The following CPED1 variants were observed in gnomAD, a reference collection of about 807,000 sequenced individuals.
The protein encoded by CPED1 is cadherin-like and PC-esterase domain-containing protein 1.
CPED1 carries 114 observed loss-of-function variants against 128.2 expected under a neutral mutation model. The ratio of observed to expected loss-of-function variants is 0.89; its 90% CI spans 0.76 to 1.04. The LOEUF (loss-of-function observed/expected upper bound fraction) is 1.04. Among genes scored for constraint, CPED1 ranks in the 50% least tolerant of loss-of-function variants. The pLI, the probability that CPED1 is intolerant of heterozygous loss-of-function variation, is 0.00. For synonymous variants in CPED1, 462 were observed against 426.7 expected, an observed-to-expected ratio of 1.08 and a Z score of -1.02; for missense variants, 1,211 against 1,207.1, an observed-to-expected ratio of 1.00 and a Z score of -0.05.
chr7:121,127,136 A>T lies in CPED1; in HGVS notation c.1181A>T (p.Glu394Val), dbSNP rs1795523810. ...CAAGATTATGATAATATGGATTTTG[A>T]GGACCAAAATACAGAAGAATTCCTT... Reference protein sequence around the residue: ...NFQDYDNMDFEDQNTEEFLLN... With the variant: ...NFQDYDNMDFVDQNTEEFLLN... Residue 394 changes from glutamate to valine, a missense_variant, in exon 10 of 23, where the codon GAG becomes GTG. Physicochemically the swap from Glu to Val is moderately radical, Grantham distance 121. Coordinates refer to ENST00000310396, the MANE Select transcript of CPED1 (RefSeq NM_024913.5). 6.2e-7 allele frequency: 1 copy of T among 1,600,524 alleles called. No individual in the cohort carries two copies. The highest frequency in any genetic ancestry group is 8.5e-7 in the Non-Finnish European group (1 of 1,171,258).
chr7:120,993,953 G>A (rs1187503432), intron 2 of CPED1: 3 of 329,618 alleles, frequency 9.1e-6, no homozygotes, highest in African/African-American at 4.4e-5. Flanking sequence ...GCCCCTGGGT[G>A]GGGGTCGTCC....
chr7:121,027,725 G>A (rs1792626578), intron 3 of CPED1, among the ~76,000 whole-genome samples: 1 of 144,316 alleles, frequency 6.9e-6, no homozygotes, highest in Non-Finnish European at 1.5e-5. Flanking sequence ...CCACCAACAA[G>A]TTAATTATAA....
intron 4 of CPED1, chr7:121,050,840 C>G: frequency 2.1e-6 from 1 of 466,292 alleles, no homozygotes; most frequent in Non-Finnish European, 4.3e-6. Flanking sequence ...CCAGGCAGCC[C>G]AGCTTCGCGA....
In CPED1 at chr7:121,142,030, T is replaced by A. The variant is rs1479820754; in HGVS notation, c.1944T>A (p.Asp648Glu). 1.2e-6 allele frequency: 2 copies of A among 1,612,792 alleles called. No homozygotes were observed. Among genetic ancestry groups the A allele is most frequent in the Admixed American group, 3.3e-5 (2 of 59,882 alleles). ...GMNKISIFVVDESPAHGETLI... is the reference protein window; with the variant it reads ...GMNKISIFVVEESPAHGETLI... ...ACAAAATCTCAATATTTGTTGTGGA[T>A]GAATCTCCAGCACACGGTGAGACTC... The change falls in exon 16 of 23, where the codon GAT becomes GAA. Residue 648 changes from aspartate (D) to glutamate (E), a missense_variant. By Grantham distance (45) the Asp-to-Glu change is conservative (BLOSUM62 2). Coordinates refer to ENST00000310396, the MANE Select transcript of CPED1 (RefSeq NM_024913.5).
At chr7:121,183,486 A>G (rs140885605) in intron 16 of CPED1, among the ~76,000 whole-genome samples, 1 of 152,274 alleles carries the variant, frequency 6.6e-6, no homozygotes, top group Non-Finnish European at 1.5e-5. Context: ...TCCACAGAGT[A>G]TTTTAGATGA....
intron 18 of CPED1, among the ~76,000 whole-genome samples, chr7:121,249,570 C>A (rs539852757): frequency 2.6e-5 from 4 of 152,190 alleles, no homozygotes; most frequent in African/African-American, 9.6e-5. Context: ...TTATATCCCA[C>A]TAAAATAAAC....
intron 22 of CPED1, among the ~76,000 whole-genome samples, chr7:121,295,140 A>AAC (rs35927183): frequency 0.073 from 10,587 of 145,806 alleles, 391 homozygotes; most frequent in Non-Finnish European, 0.094. Context: ...CTGGCCTGAA[A>AAC]ACACACACAC....
intron 7 of CPED1, among the ~76,000 whole-genome samples, chr7:121,108,009 A>T (rs1337054850): frequency 1.3e-5 from 2 of 152,106 alleles, no homozygotes; most frequent in East Asian, 1.9e-4. Context: ...CCTTCCATAT[A>T]TTAAAATGTG....
At chr7:121,184,382 A>G (rs935606911) in intron 16 of CPED1, among the ~76,000 whole-genome samples, 1 of 152,210 alleles carries the variant, frequency 6.6e-6, no homozygotes, top group African/African-American at 2.4e-5. Flanking sequence ...GTTTCATTTC[A>G]GATAAATGAG....
chr7:121,120,820 C>T (rs921041907), intron 7 of CPED1, among the ~76,000 whole-genome samples: 7 of 151,686 alleles, frequency 4.6e-5, no homozygotes, highest in African/African-American at 1.7e-4. Flanking sequence ...GTGATGTTAC[C>T]CAGAAACTAC....
At chr7:120,994,269 T>A (rs1329777752) in intron 2 of CPED1, among the ~76,000 whole-genome samples, 1 of 152,220 alleles carries the variant, frequency 6.6e-6, no homozygotes, top group African/African-American at 2.4e-5. Context: ...TCCTTCTCTT[T>A]AACTAAAAAA....
intron 5 of CPED1, among the ~76,000 whole-genome samples, chr7:121,081,499 A>T (rs1320398865): frequency 6.6e-6 from 1 of 152,122 alleles, no homozygotes. Context: ...TTTTCTTTCC[A>T]CTTCTCCTAG....
At chr7:121,103,502 T>G (rs1271631672) in intron 7 of CPED1, among the ~76,000 whole-genome samples, 1 of 152,194 alleles carries the variant, frequency 6.6e-6, no homozygotes, top group African/African-American at 2.4e-5. Context: ...GTTAAATTAC[T>G]TAACCATCCT....
In CPED1 at chr7:121,282,101, T is replaced by C. The variant is rs946040832; in HGVS notation, c.2868+10671T>C. On this transcript the variant is annotated intron_variant, in intron 22 of 22. Coordinates refer to ENST00000310396, the MANE Select transcript of CPED1 (RefSeq NM_024913.5). ...ATGTAGTAGCTCCTTTCCTCTTAGA[T>C]ATACCTGTCTCTTTTTCAGTGGTCA... Among the ~76,000 whole-genome samples, 11 of 152,190 alleles carry C rather than the reference T, an allele frequency of 7.2e-5. No individual in the cohort carries two copies. In the East Asian group the frequency reaches 9.6e-4, roughly 13 times the overall value.
In CPED1 at chr7:121,145,960, G is replaced by T. The variant is rs148077306; in HGVS notation, c.2055+3819G>T. ...AAACTTTTATTATATTTTATTTATA[G>T]GTCAAAGGGAAAAATTATAATTTCT... On this transcript the variant is annotated intron_variant, in intron 16 of 22. Coordinates refer to ENST00000310396, the MANE Select transcript of CPED1 (RefSeq NM_024913.5). Among the ~76,000 whole-genome samples, 82 of 151,990 alleles carry T rather than the reference G, an allele frequency of 5.4e-4. 2 individuals carry two copies. The East Asian group carries it at 0.015, about 28-fold the overall frequency.
At chr7:121,093,955 GC>G (rs1794636168) in intron 5 of CPED1, among the ~76,000 whole-genome samples, 1 of 152,096 alleles carries the variant, frequency 6.6e-6, no homozygotes, top group African/African-American at 2.4e-5. Context: ...GTCTTCTGGG[GC>G]CCTGACTGAT....
At chr7:121,155,030 G>A (rs1187494378) in intron 16 of CPED1, among the ~76,000 whole-genome samples, 1 of 152,062 alleles carries the variant, frequency 6.6e-6, no homozygotes, top group Non-Finnish European at 1.5e-5. Context: ...GTTGCGGGTT[G>A]CAAAATCAAC....
chr7:121,047,653 T>TTCCTCTTCC (rs1563004741), intron 4 of CPED1, among the ~76,000 whole-genome samples: 20 of 5,076 alleles, frequency 3.9e-3, no homozygotes, highest in Admixed American at 0.011. Context: ...ACCTTTCTTC[T>TTCCTCTTCC]TCTTCTTCTT....
intron 22 of CPED1, among the ~76,000 whole-genome samples, chr7:121,279,255 C>CT (rs5887028): frequency 0.23 from 35,302 of 151,112 alleles, 4,663 homozygotes; most frequent in Non-Finnish European, 0.31. Flanking sequence ...ATGACTTTTC[C>CT]TTATTTTTTT....
Sources: gnomAD v4.1 joint callset for allele counts (sites outside exome capture counted in the v4.1 genomes callset) on GRCh38, gnomAD v4.1.1 for gene constraint, MANE v1.5 for transcripts, NCBI Gene and HGNC (gene_info 2026-07-23, HGNC 2026-07-21) for gene names.